The following ANXA8 variants were observed in gnomAD, a reference collection of about 807,000 sequenced individuals.
ANXA8 encodes the protein VAC-beta.
ANXA8 carries 9 observed loss-of-function variants against 26.8 expected under a neutral mutation model. That is an observed-to-expected ratio of 0.34 (90% CI 0.20 to 0.59). ANXA8 has a LOEUF of 0.59. ANXA8 is among the 20% of genes least tolerant of loss of function. ANXA8 has a pLI of 0.84. For missense variants in ANXA8, 83 were observed against 238.5 expected, an observed-to-expected ratio of 0.35 and a Z score of 4.29; for synonymous variants, 39 against 94.8, an observed-to-expected ratio of 0.41 and a Z score of 3.42.
the ANXA8 span, among the ~76,000 whole-genome samples, chr10:47,563,863 C>T: frequency 2.6e-5 from 4 of 151,574 alleles, no homozygotes; most frequent in East Asian, 1.9e-4. Flanking sequence ...CCTTTTTTTA[C>T]GGGAGGGATT....
the ANXA8 span, among the ~76,000 whole-genome samples, chr10:47,497,177 A>G: frequency 1.4e-5 from 2 of 145,168 alleles, no homozygotes; most frequent in East Asian, 4.5e-4. Flanking sequence ...AAAATTAGCC[A>G]GGCATGGTGG....
the ANXA8 span, among the ~76,000 whole-genome samples, chr10:47,653,145 C>T: frequency 0.042 from 6,193 of 146,478 alleles, 326 homozygotes; most frequent in African/African-American, 0.16. Context: ...AACCCCTTAT[C>T]TACTAAAAAT....
chr10:47,697,117 A>G, the ANXA8 span, among the ~76,000 whole-genome samples: 1 of 152,082 alleles, frequency 6.6e-6, no homozygotes, highest in Non-Finnish European at 1.5e-5. Flanking sequence ...AAAAAAAAGA[A>G]AGAAAACAAA....
the ANXA8 span, among the ~76,000 whole-genome samples, chr10:47,535,638 GTATA>G: frequency 2.2e-5 from 3 of 138,986 alleles, no homozygotes; most frequent in Non-Finnish European, 3.0e-5. Context: ...TAGACAATGT[GTATA>G]TAGATACGTA....
chr10:47,628,403 A>G, the ANXA8 span, among the ~76,000 whole-genome samples: 2 of 151,572 alleles, frequency 1.3e-5, no homozygotes, highest in East Asian at 3.9e-4. Context: ...TATAATCACA[A>G]TACTTCAACA....
the ANXA8 span, among the ~76,000 whole-genome samples, chr10:47,952,692 T>C: frequency 6.8e-6 from 1 of 147,224 alleles, no homozygotes; most frequent in African/African-American, 2.6e-5. Flanking sequence ...ATCAAAGCAA[T>C]TTTTACAAAG....
chr10:47,733,211 TTCTTTC>T, the ANXA8 span, among the ~76,000 whole-genome samples: 28 of 82,358 alleles, frequency 3.4e-4, no homozygotes, highest in Non-Finnish European at 5.8e-4. Context: ...CTTTCTTTCT[TTCTTTC>T]TTTCTCTTTC....
chr10:47,565,195 C>T, the ANXA8 span: 3 of 668,312 alleles, frequency 4.5e-6, no homozygotes, highest in Admixed American at 2.2e-5. Flanking sequence ...ACGCGGGCAC[C>T]CCCTCAGGAA....
the ANXA8 span, among the ~76,000 whole-genome samples, chr10:47,506,414 TCCAC>T: frequency 7.2e-6 from 1 of 139,310 alleles, no homozygotes; most frequent in Non-Finnish European, 1.5e-5. Flanking sequence ...CACTGCAACC[TCCAC>T]CTCCCAGGCT....
At chr10:47,761,102 G>GCGCA in the ANXA8 span, among the ~76,000 whole-genome samples, 2 of 145,494 alleles carry the variant, frequency 1.4e-5, no homozygotes, top group Non-Finnish European at 3.0e-5. Context: ...ACACACACAC[G>GCGCA]CACACACACA....
chr10:47,960,420 T>C, the ANXA8 span, among the ~76,000 whole-genome samples: 2 of 146,940 alleles, frequency 1.4e-5, no homozygotes, highest in Non-Finnish European at 3.0e-5. Flanking sequence ...ATGCACAGCC[T>C]GCTTCAGCTA....
chr10:47,777,546 G>GATAAACATGGTGGGAAACCT, the ANXA8 span, among the ~76,000 whole-genome samples: 4 of 152,180 alleles, frequency 2.6e-5, no homozygotes, highest in African/African-American at 9.7e-5. Context: ...GTAAAAATAA[G>GATAAACATGGTGGGAAACCT]ATAAACATGG....
the ANXA8 span, among the ~76,000 whole-genome samples, chr10:47,554,920 C>A: frequency 3.4e-4 from 52 of 151,594 alleles, no homozygotes; most frequent in Non-Finnish European, 6.6e-4. Context: ...TTTCTAACAT[C>A]CTTTTGGTCT....
the ANXA8 span, among the ~76,000 whole-genome samples, chr10:47,951,890 A>G: frequency 6.7e-6 from 1 of 149,634 alleles, no homozygotes; most frequent in East Asian, 2.1e-4. Flanking sequence ...ATCTAGGAAT[A>G]TATGTAGAGG....
At chr10:47,671,955 A>C in the ANXA8 span, among the ~76,000 whole-genome samples, 4 of 151,666 alleles carry the variant, frequency 2.6e-5, no homozygotes, top group Admixed American at 6.6e-5. Context: ...CCTCTTGATT[A>C]ATCTGAGGTA....
chr10:47,680,069 G>T, the ANXA8 span, among the ~76,000 whole-genome samples: 1 of 151,250 alleles, frequency 6.6e-6, no homozygotes, highest in Non-Finnish European at 1.5e-5. Flanking sequence ...TCCACCTCCT[G>T]GATTCAAGAT....
the ANXA8 span, among the ~76,000 whole-genome samples, chr10:47,585,807 A>ATGTGCACC: frequency 1.2e-5 from 1 of 86,620 alleles, no homozygotes; most frequent in Non-Finnish European, 2.2e-5. Context: ...AGAATGTCTT[A>ATGTGCACC]TGTGCACCTT....
At chr10:47,666,305 G>A in the ANXA8 span, among the ~76,000 whole-genome samples, 8 of 150,110 alleles carry the variant, frequency 5.3e-5, no homozygotes, top group South Asian at 2.1e-4. Flanking sequence ...CAAGATCATT[G>A]TGACAGTGAA....
the ANXA8 span, among the ~76,000 whole-genome samples, chr10:47,691,572 T>A: frequency 6.7e-6 from 1 of 148,264 alleles, no homozygotes; most frequent in Non-Finnish European, 1.5e-5. Flanking sequence ...GGCCAGGAAT[T>A]TGAGACCAGC....
Sources: allele counts gnomAD v4.1 joint callset (sites outside exome capture counted in the v4.1 genomes callset), GRCh38; gene constraint gnomAD v4.1.1; transcripts MANE v1.5; gene names NCBI Gene and HGNC (gene_info 2026-07-23, HGNC 2026-07-21).